TSHZ3: variants seen among roughly 807,000 people sequenced by gnomAD.
TSHZ3 encodes teashirt zinc finger homeobox 3.
In TSHZ3, 10 loss-of-function variants were observed where a neutral mutation model predicts 64.5. The observed-to-expected ratio is 0.16, with a 90% CI of 0.10 to 0.26. The LOEUF (loss-of-function observed/expected upper bound fraction) is 0.26. Ranked by LOEUF, TSHZ3 falls within the 10% of genes least tolerant of loss-of-function variation. TSHZ3 has a pLI of 1.00. For synonymous variants in TSHZ3, 608 were observed against 593.1 expected, an observed-to-expected ratio of 1.03 and a Z score of -0.36; for missense variants, 1,242 against 1,421.7, an observed-to-expected ratio of 0.87 and a Z score of 2.03.
In TSHZ3 at chr19:31,275,299, T is replaced by C. The variant is rs1192358726; in HGVS notation, c.*1248A>G. ...TAGAAAGGCATCCTACAATATGGAATAGCAACCAAGAGGGCTTATAAATAA... is the reference window on the plus strand; with the variant it reads ...TAGAAAGGCATCCTACAATATGGAACAGCAACCAAGAGGGCTTATAAATAA... On this transcript the variant is annotated 3_prime_UTR_variant, in exon 2 of 2. Transcript: ENST00000240587. 1 of 152,548 alleles carries C rather than the reference T, an allele frequency of 6.6e-6. No homozygotes were observed. Among genetic ancestry groups the C allele is most frequent in the Non-Finnish European group, 1.5e-5 (1 of 68,024 alleles). 9.4% of individuals were successfully genotyped at this position (152,548 alleles called of 1,614,324 possible). A position where few individuals can be genotyped will look rare whatever the true frequency, so the allele number is the denominator to read the frequency against.
rs1471861684 is a variant in TSHZ3 at position 31,186,308 on chromosome 19, G to A, written n.809+18648C>T. Among the ~76,000 whole-genome samples the A allele has an allele frequency of 2.0e-5, 3 of 152,298 alleles. No homozygotes were observed. In the East Asian group the frequency reaches 5.8e-4, roughly 29 times the overall value. On this transcript the variant is annotated intron_variant and non_coding_transcript_variant, in intron 5 of 6. Transcript: ENST00000651361. ...GAGTTGTAGTTCCCATAATCCCCAT[G>A]TGTCACGGGAAGGACCTGGTGGAAG... is the stretch of plus-strand genomic sequence containing the variant.
intron 3 of TSHZ3, among the ~76,000 whole-genome samples, chr19:31,233,317 A>G (rs557016643): frequency 6.6e-6 from 1 of 152,324 alleles, no homozygotes; most frequent in South Asian, 2.1e-4. Context: ...GTGGTATTCC[A>G]TTTTAATCTG....
intron 1 of TSHZ3, among the ~76,000 whole-genome samples, chr19:31,339,747 C>T (rs557272833): frequency 5.9e-5 from 9 of 151,528 alleles, no homozygotes; most frequent in Non-Finnish European, 1.2e-4. Flanking sequence ...TGATGGGAGG[C>T]CTGGGAAATC....
chr19:31,251,846 A>G (rs1975847849), intron 1 of TSHZ3, among the ~76,000 whole-genome samples: 1 of 152,180 alleles, frequency 6.6e-6, no homozygotes, highest in African/African-American at 2.4e-5. Context: ...TAGAACACTC[A>G]CGCCAGCATC....
chr19:31,244,000 C>T (rs971178203), intron 1 of TSHZ3, among the ~76,000 whole-genome samples: 1 of 152,042 alleles, frequency 6.6e-6, no homozygotes, highest in African/African-American at 2.4e-5. Flanking sequence ...TAACTTTTGG[C>T]CTGGGATTTC....
chr19:31,215,610 C>G (rs1390734358), intron 4 of TSHZ3, among the ~76,000 whole-genome samples: 1 of 152,202 alleles, frequency 6.6e-6, no homozygotes, highest in Non-Finnish European at 1.5e-5. Context: ...TGGTGGCTCA[C>G]GCCTATAATC....
At chr19:31,266,060 G>C (rs1359341619) in intron 1 of TSHZ3, among the ~76,000 whole-genome samples, 1 of 152,212 alleles carries the variant, frequency 6.6e-6, no homozygotes, top group Non-Finnish European at 1.5e-5. Flanking sequence ...GTGAGTTACA[G>C]GTTCTGCAGG....
intron 1 of TSHZ3, among the ~76,000 whole-genome samples, chr19:31,290,623 C>G (rs541249296): frequency 1.3e-5 from 2 of 152,250 alleles, no homozygotes; most frequent in African/African-American, 2.4e-5. Context: ...CACCTAGAGA[C>G]GCTACCTAGG....
chr19:31,184,225 G>T (rs1974769288), intron 5 of TSHZ3, among the ~76,000 whole-genome samples: 1 of 152,116 alleles, frequency 6.6e-6, no homozygotes. Context: ...TAAGATAATT[G>T]TAGGAAAAAG....
At chr19:31,330,239 A>C (rs1421761357) in intron 1 of TSHZ3, among the ~76,000 whole-genome samples, 1 of 152,152 alleles carries the variant, frequency 6.6e-6, no homozygotes, top group Non-Finnish European at 1.5e-5. Flanking sequence ...AAACTCGCTA[A>C]ACTCTCAACA....
rs1252113924 is a variant in TSHZ3 at position 31,168,124 on chromosome 19, G to T, written n.810-11707C>A. On this transcript the variant is annotated intron_variant and non_coding_transcript_variant, in intron 5 of 6. Transcript: ENST00000651361. ...AAAACTGTGAGGGGAAAAAGTACTC[G>T]TGCATAATTGACATAATTGATCTAG... 3.9e-5 allele frequency among the ~76,000 whole-genome samples: 6 copies of T among 152,180 alleles called. No homozygotes were observed. The South Asian group carries it at 1.0e-3, about 26-fold the overall frequency.
intron 3 of TSHZ3, among the ~76,000 whole-genome samples, chr19:31,228,570 C>T (rs1231593642): frequency 6.6e-6 from 1 of 151,158 alleles, no homozygotes; most frequent in African/African-American, 2.4e-5. Context: ...TAGCATGGTT[C>T]CCAAGAATAT....
At chr19:31,335,828 G>T (rs181168614) in intron 1 of TSHZ3, among the ~76,000 whole-genome samples, 2 of 152,118 alleles carry the variant, frequency 1.3e-5, no homozygotes, top group African/African-American at 4.8e-5. Flanking sequence ...TGTCACCCCC[G>T]TGGGCTCCAA....
At chr19:31,229,080 G>A (rs1386007033) in intron 3 of TSHZ3, among the ~76,000 whole-genome samples, 1 of 152,114 alleles carries the variant, frequency 6.6e-6, no homozygotes, top group African/African-American at 2.4e-5. Context: ...AAAATTAGAG[G>A]GGTGCATGCA....
At chr19:31,337,013 A>T (rs1050170629) in intron 1 of TSHZ3, among the ~76,000 whole-genome samples, 292 of 131,264 alleles carry the variant, frequency 2.2e-3, no homozygotes, top group Admixed American at 2.9e-3. Flanking sequence ...CTTTTTTTCT[A>T]TTTTTTTTTT....
chr19:31,180,982 G>A (rs1399046957), intron 5 of TSHZ3, among the ~76,000 whole-genome samples: 1 of 152,112 alleles, frequency 6.6e-6, no homozygotes, highest in Non-Finnish European at 1.5e-5. Context: ...AGTATATGCA[G>A]AACATCTGTA....
At chr19:31,189,070 C>A (rs1459329171) in intron 5 of TSHZ3, among the ~76,000 whole-genome samples, 1 of 151,846 alleles carries the variant, frequency 6.6e-6, no homozygotes, top group Non-Finnish European at 1.5e-5. Context: ...TTGTTCATAG[C>A]ATTCCCTTAT....
chr19:31,271,880 A>G (rs1976145140), downstream of TSHZ3, among the ~76,000 whole-genome samples: 1 of 152,214 alleles, frequency 6.6e-6, no homozygotes. Flanking sequence ...CTATTATTTT[A>G]AAGTTAAAGT....
chr19:31,320,570 A>G (rs937025207), intron 1 of TSHZ3, among the ~76,000 whole-genome samples: 5 of 152,154 alleles, frequency 3.3e-5, no homozygotes. Context: ...ATGTTTTATG[A>G]TGTGTCCTTC....
Sources: gnomAD v4.1 joint callset for allele counts (sites outside exome capture counted in the v4.1 genomes callset) on GRCh38, gnomAD v4.1.1 for gene constraint, MANE v1.5 for transcripts, NCBI Gene and HGNC (gene_info 2026-07-23, HGNC 2026-07-21) for gene names.